FMNL2: variants seen among roughly 807,000 people sequenced by gnomAD.
The protein encoded by FMNL2 is formin like 2, also known as formin-like protein 2.
Under a neutral mutation model 130.2 loss-of-function variants are expected in FMNL2, and 51 were observed. That is an observed-to-expected ratio of 0.39 (90% CI 0.31 to 0.49). The LOEUF (loss-of-function observed/expected upper bound fraction) is 0.49, where lower values mean the gene tolerates loss of function less well. Among genes scored for constraint, FMNL2 ranks in the 20% least tolerant of loss-of-function variants. FMNL2 has a pLI of 0.85. For synonymous variants in FMNL2, 465 were observed against 467.1 expected (o/e 1.00, Z 0.06); for missense variants, 977 against 1,316.2 (o/e 0.74, Z 3.99).
chr2:152,561,255 A>G (rs1457371575), intron 6 of FMNL2, among the ~76,000 whole-genome samples: 2 of 152,202 alleles, frequency 1.3e-5, no homozygotes, highest in African/African-American at 4.8e-5. Flanking sequence ...ACCTTGATTC[A>G]GCATAGAAGG....
intron 1 of FMNL2, among the ~76,000 whole-genome samples, chr2:152,491,969 A>C (rs1558909540): frequency 6.6e-6 from 1 of 152,196 alleles, no homozygotes. Flanking sequence ...CAACAACAAC[A>C]AACTATATAT....
chr2:152,339,488 C>G (rs1681676495), intron 1 of FMNL2, among the ~76,000 whole-genome samples: 1 of 152,220 alleles, frequency 6.6e-6, no homozygotes, highest in African/African-American at 2.4e-5. Context: ...CTGTTTACAA[C>G]TTAAAAGGCA....
chr2:152,339,540 T>A (rs1482092939), intron 1 of FMNL2, among the ~76,000 whole-genome samples: 1 of 152,242 alleles, frequency 6.6e-6, no homozygotes, highest in Non-Finnish European at 1.5e-5. Context: ...CTTAAAATTC[T>A]TTTGTTGAGT....
intron 7 of FMNL2, among the ~76,000 whole-genome samples, chr2:152,576,665 T>G (rs1696496105): frequency 6.6e-6 from 1 of 152,130 alleles, no homozygotes; most frequent in African/African-American, 2.4e-5. Flanking sequence ...TAGGAACTGC[T>G]GAAAATGTGT....
intron 1 of FMNL2, among the ~76,000 whole-genome samples, chr2:152,469,020 C>G (rs564853796): frequency 3.9e-5 from 6 of 152,248 alleles, no homozygotes; most frequent in African/African-American, 1.2e-4. Flanking sequence ...TGACTCACAA[C>G]GTGATAAAAT....
At position 152,589,798 on chromosome 2, in the gene FMNL2, G is replaced by A. The variant is rs72869577; in HGVS notation, c.876+8749G>A. On this transcript the variant is annotated intron_variant, in intron 9 of 25. Transcript: ENST00000288670. ...AAAGGCCTATTTAAGGATCTTCTTG[G>A]TTTGCTCTTCCTGTGTAAAGGAGCT... 3.8e-3 allele frequency among the ~76,000 whole-genome samples: 578 copies of A among 151,582 alleles called. 3 individuals carry two copies. The highest frequency in any genetic ancestry group is 0.01 in the Middle Eastern group (3 of 294).
At chr2:152,361,091 T>TA (rs1376671247) in intron 1 of FMNL2, among the ~76,000 whole-genome samples, 1 of 152,224 alleles carries the variant, frequency 6.6e-6, no homozygotes, top group Non-Finnish European at 1.5e-5. Context: ...GCAGGCATAC[T>TA]AATATATTTG....
intron 23 of FMNL2, among the ~76,000 whole-genome samples, chr2:152,638,728 C>T (rs951619968): frequency 2.6e-5 from 4 of 152,174 alleles, no homozygotes; most frequent in African/African-American, 9.7e-5. Context: ...TGCGGGCCAC[C>T]AACTGCTGCC....
chr2:152,585,253 C>A (rs1697003680), intron 9 of FMNL2, among the ~76,000 whole-genome samples: 1 of 151,660 alleles, frequency 6.6e-6, no homozygotes, highest in Non-Finnish European at 1.5e-5. Context: ...AAATAAAGAC[C>A]AGGGTGAGAA....
intron 1 of FMNL2, among the ~76,000 whole-genome samples, chr2:152,496,875 G>C (rs554115624): frequency 1.3e-5 from 2 of 151,110 alleles, no homozygotes; most frequent in Non-Finnish European, 2.9e-5. Flanking sequence ...CTTACTTTTG[G>C]TACCATAAGA....
At chr2:152,647,621 A>G (rs1170881230) in intron 25 of FMNL2, among the ~76,000 whole-genome samples, 175 bp from the exon 26 acceptor site, 1 of 152,220 alleles carries the variant, frequency 6.6e-6, no homozygotes, top group East Asian at 1.9e-4. Flanking sequence ...GTTTGATTGT[A>G]AATATTGAAG....
chr2:152,588,693 G>A (rs989491708), intron 9 of FMNL2, among the ~76,000 whole-genome samples: 6 of 151,936 alleles, frequency 3.9e-5, no homozygotes, highest in Non-Finnish European at 4.4e-5. Flanking sequence ...AGTTTGCCCC[G>A]AATCTCCAGT....
intron 1 of FMNL2, among the ~76,000 whole-genome samples, chr2:152,502,705 C>G (rs1369527271): frequency 2.0e-5 from 3 of 152,092 alleles, no homozygotes; most frequent in Admixed American, 6.6e-5. Flanking sequence ...CCAGAAAACC[C>G]AAAAACAACA....
At chr2:152,573,227 C>A (rs1696278814) in intron 6 of FMNL2, among the ~76,000 whole-genome samples, 1 of 152,168 alleles carries the variant, frequency 6.6e-6, no homozygotes, top group African/African-American at 2.4e-5. Flanking sequence ...CTGTTTTTGA[C>A]AAACTAAGCC....
Position 152,339,317 on chromosome 2 carries a change from C to G in FMNL2, c.117+3597C>G, listed in dbSNP as rs560948113. On this transcript the variant is annotated intron_variant, in intron 1 of 25. Coordinates refer to ENST00000288670, the MANE Select transcript of FMNL2 (RefSeq NM_052905.4). ...AAGATTGGACATCCTGGGTTACATA[C>G]ACACATCCACAAATACTCCCATGTC... Among the ~76,000 whole-genome samples, 3 of 152,286 alleles carry G rather than the reference C, an allele frequency of 2.0e-5. No individual in the cohort carries two copies. The East Asian group carries it at 5.8e-4, about 29-fold the overall frequency.
chr2:152,605,474 G>A (rs929752809), intron 9 of FMNL2, among the ~76,000 whole-genome samples: 1 of 152,048 alleles, frequency 6.6e-6, no homozygotes, highest in African/African-American at 2.4e-5. Flanking sequence ...GCGTGCCACT[G>A]CACCTGTCTG....
rs575409735 is a variant in FMNL2 at position 152,400,912 on chromosome 2, G to A, written c.117+65192G>A. 5.9e-5 allele frequency among the ~76,000 whole-genome samples: 9 copies of A among 152,344 alleles called. No homozygotes were observed. In the South Asian group the frequency reaches 1.9e-3, roughly 32 times the overall value. ...TTTTCTTTCTTTTTTCTTCCCACGT[G>A]TATCCTGCCCAAACCACAGCCAGGG... On this transcript the variant is annotated intron_variant, in intron 1 of 25. Coordinates refer to ENST00000288670, the MANE Select transcript of FMNL2 (RefSeq NM_052905.4).
In FMNL2 at chr2:152,647,767, T is replaced by G. The variant is rs116665622; in HGVS notation, c.3170-29T>G. 1,593 of 1,606,318 alleles carry G rather than the reference T, an allele frequency of 9.9e-4. 12 individuals carry two copies. In the African/African-American group the frequency reaches 0.02, roughly 20 times the overall value. ...AGACACATGCTATTAAAGGTTGCTA[T>G]TCTCTCACTGGCACTCTCCCCTTTA... On this transcript the variant is annotated intron_variant, in intron 25 of 25. Transcript: ENST00000288670.
intron 16 of FMNL2, 102 bp from the exon 17 acceptor site, chr2:152,626,423 A>T: frequency 1.1e-6 from 1 of 927,624 alleles, no homozygotes; most frequent in Non-Finnish European, 1.6e-6. Flanking sequence ...ACAAGTACTT[A>T]ATAGAAAAAG....
Sources: gnomAD v4.1 joint callset for allele counts (sites outside exome capture counted in the v4.1 genomes callset) on GRCh38, gnomAD v4.1.1 for gene constraint, MANE v1.5 for transcripts, NCBI Gene and HGNC (gene_info 2026-07-23, HGNC 2026-07-21) for gene names.